Variants in AIPL1 observed in about 807,000 individuals in gnomAD.
AIPL1 encodes the protein AIP like 1 HSP90 co-chaperone.
In AIPL1, 23 loss-of-function variants were observed where a neutral mutation model predicts 32.9. The ratio of observed to expected loss-of-function variants is 0.70; its 90% confidence interval spans 0.50 to 0.99. The LOEUF (loss-of-function observed/expected upper bound fraction) is 0.99, where lower values mean the gene tolerates loss of function less well. Among genes scored for constraint, AIPL1 ranks in the 50% least tolerant of loss-of-function variants. AIPL1 has a pLI of 0.00. For synonymous variants in AIPL1, 210 were observed against 209.4 expected (o/e 1.00, Z -0.02); for missense variants, 485 against 506.0 (o/e 0.96, Z 0.40).
intron 2 of AIPL1, among the ~76,000 whole-genome samples, chr17:6,432,492 A>G (rs547549913): frequency 6.6e-6 from 1 of 152,252 alleles, no homozygotes; most frequent in Non-Finnish European, 1.5e-5. Flanking sequence ...GATTTAAACA[A>G]ACCAAACTCA....
At position 6,428,301 on chromosome 17, in the gene AIPL1, G is replaced by A; in HGVS notation, c.465+17C>T. 1.9e-6 allele frequency: 3 copies of A among 1,604,496 alleles called. No homozygotes were observed. Among genetic ancestry groups the A allele is most frequent in the Non-Finnish European group, 2.5e-6 (3 of 1,179,940 alleles). On this transcript the variant is annotated intron_variant, in intron 3 of 5. Coordinates refer to ENST00000381129, the MANE Select transcript of AIPL1 (RefSeq NM_014336.5). ...AGTGCTGGCACAGCCCTCCAGCCCTGCCAACCCCAGCCCCACCTGCAGCAG... is the reference window on the plus strand; with the variant it reads ...AGTGCTGGCACAGCCCTCCAGCCCTACCAACCCCAGCCCCACCTGCAGCAG...
chr17:6,426,344 A>T (rs1911950502), intron 5 of AIPL1: 1 of 1,402,992 alleles, frequency 7.1e-7, no homozygotes, highest in Non-Finnish European at 9.3e-7. Context: ...TCTTTTTTAA[A>T]CGCCTGTTTA....
At chr17:6,425,954 TC>T in intron 5 of AIPL1, 124 bp from the exon 6 acceptor site, 2 of 1,309,510 alleles carry the variant, frequency 1.5e-6, no homozygotes, top group Non-Finnish European at 2.1e-6. Flanking sequence ...CCTCTCTGTA[TC>T]CCCCATCCCT....
At chr17:6,427,390 C>T (rs1912105068) in intron 3 of AIPL1, among the ~76,000 whole-genome samples, 3 of 152,248 alleles carry the variant, frequency 2.0e-5, no homozygotes, top group Admixed American at 2.0e-4. Context: ...CTATAATGAG[C>T]ACCTTGGAGG....
At chr17:6,433,046 G>A (rs76305332) in intron 2 of AIPL1, among the ~76,000 whole-genome samples, 5,883 of 152,280 alleles carry the variant, frequency 0.039, 246 homozygotes, top group South Asian at 0.11. Flanking sequence ...GATGGTGGCC[G>A]GCACTGGGTG....
At position 6,434,032 on chromosome 17, in the gene AIPL1, C is replaced by T; in HGVS notation, c.163G>A (p.Val55Met). The T allele has an allele frequency of 1.2e-6, 2 of 1,614,162 alleles. No individual in the cohort carries two copies. Among genetic ancestry groups the T allele is most frequent in the Non-Finnish European group, 1.7e-6 (2 of 1,180,018 alleles). The change falls in exon 2 of 6, where the codon GTG (valine) becomes ATG (methionine). Residue 55 changes from valine to methionine, a missense_variant. Val to Met is a conservative substitution (Grantham distance 21). Transcript: ENST00000381129. Reference protein sequence around the residue: ...ERTVIDDSRQVGQPMHIIIGN... With the variant: ...ERTVIDDSRQMGQPMHIIIGN... ...ATGATGATGTGCATGGGCTGGCCCA[C>T]CTGCCGACTGTCGTCAATGACTGTC...
Position 6,425,312 on chromosome 17 carries a change from T to C in AIPL1, c.*148A>G, listed in dbSNP as rs79118582. The C allele has an allele frequency of 1.1e-6, 1 of 928,912 alleles. No individual in the cohort carries two copies. Among genetic ancestry groups the C allele is most frequent in the Non-Finnish European group, 1.5e-6 (1 of 670,704 alleles). The allele number at this position is 928,912 out of a possible 1,614,324, so 57.5% of individuals were successfully genotyped here. ...TCTTCTGTACCCTTGGGATTGTTTTTTTTTTTTTTTTTACCATGGGTGTGT... is the reference window on the plus strand; with the variant it reads ...TCTTCTGTACCCTTGGGATTGTTTTCTTTTTTTTTTTTACCATGGGTGTGT... On this transcript the variant is annotated 3_prime_UTR_variant, in exon 6 of 6. Coordinates refer to ENST00000381129, the MANE Select transcript of AIPL1 (RefSeq NM_014336.5).
intron 1 of AIPL1, 109 bp from the exon 2 acceptor site, chr17:6,434,207 G>A (rs1912934551): frequency 3.1e-6 from 4 of 1,286,814 alleles, no homozygotes; most frequent in African/African-American, 1.5e-5. Flanking sequence ...AGCTCACTCA[G>A]TTCACCCCAT....
chr17:6,433,818 G>C (rs56052619), intron 2 of AIPL1, 101 bp downstream of exon 2: 7 of 1,430,018 alleles, frequency 4.9e-6, no homozygotes, highest in Non-Finnish European at 2.9e-6. Flanking sequence ...GCAAAGCTTC[G>C]CTTGAGTCCC....
chr17:6,434,664 C>G (rs992540312), intron 1 of AIPL1, among the ~76,000 whole-genome samples: 2 of 152,132 alleles, frequency 1.3e-5, no homozygotes, highest in Admixed American at 6.5e-5. Flanking sequence ...GGCCAAAGCC[C>G]GAATTCTGTA....
Position 6,426,620 on chromosome 17 carries a change from T to C in AIPL1, c.779A>G (p.His260Arg). The C allele has an allele frequency of 6.2e-7, 1 of 1,613,888 alleles. No individual in the cohort carries two copies. The highest frequency in any genetic ancestry group is 1.7e-5 in the Admixed American group (1 of 60,030). ...GCCCCTGCAGCCCCGCGCACCTGGG[T>C]GGTGCCGGAGAATATCACTGGTGTG... Reference protein sequence around the residue: ...LEHTSDILRHHPGIVKAYYVR... With the variant: ...LEHTSDILRHRPGIVKAYYVR... The change falls in exon 5 of 6, where the codon CAC becomes CGC. Residue 260 changes from histidine (H) to arginine (R), a missense_variant. His to Arg is a conservative substitution (Grantham distance 29). Transcript: ENST00000381129.
intron 1 of AIPL1, among the ~76,000 whole-genome samples, chr17:6,434,353 G>GCTTTTT (rs1555547872): frequency 1.1e-5 from 1 of 91,404 alleles, no homozygotes; most frequent in African/African-American, 4.1e-5. Flanking sequence ...GTAAGCCCGA[G>GCTTTTT]TTCTTTTTTT....
chr17:6,430,781 T>C (rs1049145803), intron 2 of AIPL1, among the ~76,000 whole-genome samples: 15 of 152,206 alleles, frequency 9.9e-5, no homozygotes, highest in African/African-American at 3.4e-4. Flanking sequence ...AGTCAATAGA[T>C]ATATTTTTAA....
intron 5 of AIPL1, 142 bp downstream of exon 5, chr17:6,426,473 C>T (rs986058651): frequency 5.3e-6 from 8 of 1,505,426 alleles, no homozygotes; most frequent in Non-Finnish European, 6.2e-6. Context: ...TTCAGTTACA[C>T]ACTCGGGGAA....
chr17:6,434,843 G>A (rs1913014114), intron 1 of AIPL1, 166 bp downstream of exon 1: 5 of 1,252,814 alleles, frequency 4.0e-6, no homozygotes, highest in Admixed American at 2.8e-5. Context: ...TACCAAAAAT[G>A]CCCCCTGAAT....
chr17:6,430,581 G>A (rs1005859954), intron 2 of AIPL1, among the ~76,000 whole-genome samples: 40 of 151,916 alleles, frequency 2.6e-4, no homozygotes, highest in African/African-American at 9.2e-4. Context: ...CCCACATTAT[G>A]GGAATGACAA....
At chr17:6,431,573 T>G (rs73975081) in intron 2 of AIPL1, among the ~76,000 whole-genome samples, 144 of 152,084 alleles carry the variant, frequency 9.5e-4, no homozygotes, top group African/African-American at 3.3e-3. Context: ...TAACTTAGAG[T>G]TTTGTTTATT....
rs200574696 is a variant in AIPL1, at chr17:6,434,904, G to GTT, written c.96+103_96+104dup. 9.6e-6 allele frequency: 15 copies of GTT among 1,569,076 alleles called. No individual in the cohort carries two copies. The African/African-American group carries it at 1.6e-4, about 17-fold the overall frequency. On this transcript the variant is annotated intron_variant, in intron 1 of 5. Coordinates refer to ENST00000381129, the MANE Select transcript of AIPL1 (RefSeq NM_014336.5). ...GGCCCAGCGCTGGGGCTGCCTGGCT[G>GTT]TTTTTTTGGCACAGCTGAAAGCTGT...
At chr17:6,434,865 G>A (rs1014423560) in intron 1 of AIPL1, 144 bp downstream of exon 1, 72 of 1,438,304 alleles carry the variant, frequency 5.0e-5, no homozygotes, top group African/African-American at 1.4e-5. Context: ...GGTAAACGCT[G>A]GGAGCTCCCC....
Sources: allele counts gnomAD v4.1 joint callset (sites outside exome capture counted in the v4.1 genomes callset), GRCh38; gene constraint gnomAD v4.1.1; transcripts MANE v1.5; gene names NCBI Gene and HGNC (gene_info 2026-07-23, HGNC 2026-07-21).